UBR1: variants seen among roughly 807,000 people sequenced by gnomAD.
UBR1 encodes ubiquitin protein ligase E3 component n-recognin 1.
In UBR1, 102 loss-of-function variants were observed where a neutral mutation model predicts 242.1. The observed-to-expected ratio is 0.42, with a 90% CI of 0.36 to 0.50. UBR1 has a LOEUF of 0.50. UBR1 is among the 20% of genes least tolerant of loss of function. UBR1 has a pLI of 0.01. For missense variants in UBR1, 1,772 were observed against 2,101.8 expected, an observed-to-expected ratio of 0.84 and a Z score of 3.07; for synonymous variants, 675 against 684.8, an observed-to-expected ratio of 0.99 and a Z score of 0.22.
intron 30 of UBR1, among the ~76,000 whole-genome samples, chr15:43,004,355 TCTCCTCTCC>T (rs572362360): frequency 1.5e-3 from 224 of 147,106 alleles, no homozygotes; most frequent in Middle Eastern, 0.01. Context: ...CTCTCCCTCC[TCTCCTCTCC>T]CTCCTCTCCC....
chr15:42,989,964 T>C (rs2032529521), intron 34 of UBR1, 66 bp downstream of exon 34: 2 of 1,150,922 alleles, frequency 1.7e-6, no homozygotes, highest in Non-Finnish European at 2.6e-6. Flanking sequence ...GATGGAAGCC[T>C]ACACTGTTTC....
At position 43,036,195 on chromosome 15, in the gene UBR1, T is replaced by C. The variant is rs778274546; in HGVS notation, c.2173A>G (p.Ile725Val). The C allele has an allele frequency of 1.9e-5, 30 of 1,613,218 alleles. No individual in the cohort carries two copies. In the Admixed American group the frequency reaches 2.2e-4, roughly 12 times the overall value. ...YELAEAFNKT[I>V]STKDQDLIKQ... ...TTGTATACCTGGTCTTTTGTAGATA[T>C]GGTCTTGTTAAAAGCCTCGGCAAGT... is the stretch of plus-strand genomic sequence containing the variant. Residue 725 changes from isoleucine (I) to valine (V), a missense_variant, in exon 19 of 47, where the codon ATA becomes GTA. Transcript: ENST00000290650.
chr15:43,097,465 G>A (rs2034175201), intron 1 of UBR1, among the ~76,000 whole-genome samples: 1 of 152,210 alleles, frequency 6.6e-6, no homozygotes, highest in African/African-American at 2.4e-5. Context: ...TTGAAGCCAG[G>A]CATTGACTTC....
At chr15:43,048,336 C>T (rs188101955) in intron 13 of UBR1, 56 bp downstream of exon 13, 21 of 1,367,374 alleles carry the variant, frequency 1.5e-5, no homozygotes, top group South Asian at 3.8e-5. Flanking sequence ...AAAAAGACTG[C>T]GGTTCAATTT....
rs559892243 is a variant in UBR1 at position 42,963,390 on chromosome 15, G to A, written c.4700+545C>T. Among the ~76,000 whole-genome samples, 5 of 152,318 alleles carry A rather than the reference G, an allele frequency of 3.3e-5. No individual in the cohort carries two copies. In the East Asian group the frequency reaches 9.6e-4, roughly 29 times the overall value. On this transcript the variant is annotated intron_variant, in intron 42 of 46. Transcript: ENST00000290650. ...AATGATAGAAAATGGTGCAGGCAAA[G>A]ATAGGGTAAGAAGACTGGAGGTTAG...
Position 43,007,192 on chromosome 15 carries a change from C to G in UBR1, c.3302G>C (p.Cys1101Ser), listed in dbSNP as rs773400142. 6.2e-7 allele frequency: 1 copy of G among 1,614,074 alleles called. No individual in the cohort carries two copies. Among genetic ancestry groups the G allele is most frequent in the Admixed American group, 1.7e-5 (1 of 59,988 alleles). ...TEKEVLTCILCQEEQEVKIEN... is the reference protein window; with the variant it reads ...TEKEVLTCILSQEEQEVKIEN... The stretch of plus-strand genomic sequence containing the variant: ...TATTTTCACCTCCTGTTCTTCTTGG[C>G]AAAGGATGCACGTCAGCACCTCCTT... The change falls in exon 30 of 47, where the codon TGC becomes TCC. Residue 1101 changes from cysteine (C) to serine (S), a missense_variant. By Grantham distance (112) the Cys-to-Ser change is moderately radical (BLOSUM62 -1). Transcript: ENST00000290650.
intron 25 of UBR1, among the ~76,000 whole-genome samples, chr15:43,023,401 G>A (rs993389449): frequency 6.6e-6 from 1 of 151,812 alleles, no homozygotes; most frequent in African/African-American, 2.4e-5. Flanking sequence ...TGACCAGCCT[G>A]GTCAACATGG....
At chr15:43,001,985 G>GC (rs912060341) in intron 32 of UBR1, among the ~76,000 whole-genome samples, 39 of 152,288 alleles carry the variant, frequency 2.6e-4, no homozygotes, top group African/African-American at 9.4e-4. Flanking sequence ...TTTTGTGAGT[G>GC]CTAAGGCAGA....
At chr15:43,094,919 G>T (rs1039485594) in intron 1 of UBR1, among the ~76,000 whole-genome samples, 3 of 151,978 alleles carry the variant, frequency 2.0e-5, no homozygotes, top group Non-Finnish European at 4.4e-5. Flanking sequence ...GTCAGAATTT[G>T]GTTTTTGAAA....
intron 6 of UBR1, among the ~76,000 whole-genome samples, chr15:43,066,954 T>G (rs1481226625): frequency 6.6e-6 from 1 of 152,174 alleles, no homozygotes; most frequent in Non-Finnish European, 1.5e-5. Context: ...TAAGATCTAT[T>G]CATGTGAACA....
intron 44 of UBR1, among the ~76,000 whole-genome samples, chr15:42,956,243 C>T (rs1324684672): frequency 3.3e-5 from 5 of 152,158 alleles, no homozygotes; most frequent in Non-Finnish European, 7.3e-5. Context: ...GGAGTGATAT[C>T]ATAGAAAATG....
intron 26 of UBR1, among the ~76,000 whole-genome samples, chr15:43,021,631 A>G (rs1259775570): frequency 6.6e-6 from 1 of 152,224 alleles, no homozygotes; most frequent in Non-Finnish European, 1.5e-5. Context: ...TTAGGGAATA[A>G]TGACAAGAAA....
At chr15:43,033,281 GGTAT>G (rs1364208098) in intron 19 of UBR1, among the ~76,000 whole-genome samples, 3 of 152,012 alleles carry the variant, frequency 2.0e-5, no homozygotes, top group Non-Finnish European at 4.4e-5. Context: ...GGGAGGCCAA[GGTAT>G]GCGGATCATG....
At chr15:43,026,976 T>A (rs1470880105) in intron 22 of UBR1, among the ~76,000 whole-genome samples, 2 of 152,108 alleles carry the variant, frequency 1.3e-5, no homozygotes, top group Non-Finnish European at 2.9e-5. Context: ...CTCTGATGCC[T>A]AAAGGTTGTC....
At chr15:43,016,926 C>G (rs2033033285) in intron 28 of UBR1, among the ~76,000 whole-genome samples, 169 bp downstream of exon 28, 1 of 152,166 alleles carries the variant, frequency 6.6e-6, no homozygotes, top group Admixed American at 6.5e-5. Context: ...TGTCACGTAC[C>G]ATTAATCTCC....
rs1307054943 is a variant in UBR1, at chr15:42,945,307, T to C, written c.*22A>G. On this transcript the variant is annotated 3_prime_UTR_variant, in exon 47 of 47. Transcript: ENST00000290650. ...CTTTACTACTGTCGTCATTTGTGAT[T>C]GTCTTGAGGCAGAGTTGGAGCTCAC... The C allele has an allele frequency of 6.2e-7, 1 of 1,614,154 alleles. No individual in the cohort carries two copies. The highest frequency in any genetic ancestry group is 8.5e-7 in the Non-Finnish European group (1 of 1,180,012).
intron 37 of UBR1, among the ~76,000 whole-genome samples, chr15:42,983,263 TGGG>T (rs2032406158): frequency 6.6e-6 from 1 of 152,164 alleles, no homozygotes; most frequent in Admixed American, 6.5e-5. Context: ...CTAACTGGAT[TGGG>T]GATACATGGA....
chr15:42,943,934 C>T lies in UBR1; in HGVS notation c.*1395G>A, dbSNP rs1207227131. ...TTACTGCAAAATCCACTTTTCTTTACATAAAAGTACCAAAAAAATCTAGCC... is the reference window on the plus strand; with the variant it reads ...TTACTGCAAAATCCACTTTTCTTTATATAAAAGTACCAAAAAAATCTAGCC... On this transcript the variant is annotated 3_prime_UTR_variant, in exon 47 of 47. Coordinates refer to ENST00000290650, the MANE Select transcript of UBR1 (RefSeq NM_174916.3). The T allele has an allele frequency of 6.6e-6, 1 of 152,338 alleles. No homozygotes were observed. The highest frequency in any genetic ancestry group is 1.9e-4 in the East Asian group (1 of 5,196). The allele number at this position is 152,338 out of a possible 1,614,324, so 9.4% of individuals were successfully genotyped here. A position where few individuals can be genotyped will look rare whatever the true frequency, so the allele number is the denominator to read the frequency against.
intron 3 of UBR1, among the ~76,000 whole-genome samples, chr15:43,077,829 TATA>T (rs1259056105): frequency 2.6e-5 from 4 of 152,086 alleles, no homozygotes; most frequent in Non-Finnish European, 4.4e-5. Flanking sequence ...TTATCCAAAA[TATA>T]CTACCTCAGG....
Sources: gnomAD v4.1 joint callset for allele counts (sites outside exome capture counted in the v4.1 genomes callset) on GRCh38, gnomAD v4.1.1 for gene constraint, MANE v1.5 for transcripts, NCBI Gene and HGNC (gene_info 2026-07-23, HGNC 2026-07-21) for gene names.